TFDP2: variants seen among roughly 807,000 people sequenced by gnomAD.
The protein encoded by TFDP2 is transcription factor Dp-2, also known as transcription factor Dp-2 (E2F dimerization partner 2).
In TFDP2, 17 loss-of-function variants were observed where a neutral mutation model predicts 59.3. That is an observed-to-expected ratio of 0.29 (90% CI 0.20 to 0.43). TFDP2 has a LOEUF of 0.43. Among genes scored for constraint, TFDP2 ranks in the 20% least tolerant of loss-of-function variants. The probability of loss-of-function intolerance (pLI) is 1.00; values close to 1 mark genes in which losing one functional copy is unlikely to be tolerated. For missense variants in TFDP2, 391 were observed against 528.8 expected (o/e 0.74, Z 2.56); for synonymous variants, 180 against 194.7 (o/e 0.92, Z 0.63).
chr3:142,093,969 A>G, intron 2 of TFDP2: 1 of 512,976 alleles, frequency 1.9e-6, no homozygotes, highest in Non-Finnish European at 3.9e-6. Flanking sequence ...TGTCAGTATT[A>G]TACTTGAGGG....
In TFDP2 at chr3:141,945,282, A is replaced by AC. The variant is rs970888395; in HGVS notation, c.*7230dup. The AC allele has an allele frequency of 1.3e-5, 2 of 152,176 alleles. No homozygotes were observed. The highest frequency in any genetic ancestry group is 4.8e-5 in the African/African-American group (2 of 41,294). The allele number at this position is 152,176 out of a possible 1,614,324, so 9.4% of individuals were successfully genotyped here. ...GTAGCTGGGATTACAGGCATGCGCCACCACACCCGGCTAATTTTATATTTT... is the reference window on the plus strand; with the variant it reads ...GTAGCTGGGATTACAGGCATGCGCCACCCACACCCGGCTAATTTTATATTTT... On this transcript the variant is annotated 3_prime_UTR_variant, in exon 13 of 13. Transcript: ENST00000489671.
chr3:141,980,540 T>G (rs1422206762), intron 6 of TFDP2, among the ~76,000 whole-genome samples: 1 of 151,824 alleles, frequency 6.6e-6, no homozygotes, highest in East Asian at 1.9e-4. Flanking sequence ...TATGTTTGTG[T>G]TTTTTTTGTT....
At chr3:142,089,077 C>A (rs563461277) in intron 3 of TFDP2, among the ~76,000 whole-genome samples, 108 of 152,188 alleles carry the variant, frequency 7.1e-4, no homozygotes, top group South Asian at 2.3e-3. Flanking sequence ...GTTCCACCCC[C>A]CTCAGCCTCT....
chr3:142,064,508 T>C (rs2108525366), intron 3 of TFDP2, among the ~76,000 whole-genome samples: 1 of 152,346 alleles, frequency 6.6e-6, no homozygotes, highest in South Asian at 2.1e-4. Context: ...GAATCACTTT[T>C]TCAAATTATT....
rs1410066864 is a variant in TFDP2, at chr3:141,951,116, G to C, written c.*1397C>G. The C allele has an allele frequency of 6.6e-6, 1 of 152,194 alleles. No homozygotes were observed. Among genetic ancestry groups the C allele is most frequent in the African/African-American group, 2.4e-5 (1 of 41,454 alleles). 9.4% of individuals were successfully genotyped at this position (152,194 alleles called of 1,614,324 possible). On this transcript the variant is annotated 3_prime_UTR_variant, in exon 13 of 13. Coordinates refer to ENST00000489671, the MANE Select transcript of TFDP2 (RefSeq NM_001178139.2). ...AGAACCAATTTGGGCCATGCTTGGT[G>C]CATCTAGCATAATCTTGGGACAAAT...
At position 141,952,484 on chromosome 3, in the gene TFDP2, CAT is replaced by C. The variant is rs1421761808; in HGVS notation, c.*27_*28del. 1 of 1,501,858 alleles carries C rather than the reference CAT, an allele frequency of 6.7e-7. No individual in the cohort carries two copies. Among genetic ancestry groups the C allele is most frequent in the Non-Finnish European group, 8.8e-7 (1 of 1,132,668 alleles). 93.0% of individuals were successfully genotyped at this position (1,501,858 alleles called of 1,614,324 possible). On this transcript the variant is annotated 3_prime_UTR_variant, in exon 13 of 13. Transcript: ENST00000489671. ...ACACTACAAACACACATGAGCATCA[CAT>C]ATTGAAACGTAGGCTTTCTCTTGTC...
intron 3 of TFDP2, among the ~76,000 whole-genome samples, chr3:142,020,281 A>C (rs1945484723): frequency 1.3e-5 from 2 of 152,310 alleles, no homozygotes; most frequent in South Asian, 4.1e-4. Context: ...CACGTCTGTA[A>C]TCCCAGCACT....
chr3:142,013,317 T>C (rs928943014), intron 3 of TFDP2, among the ~76,000 whole-genome samples: 3 of 152,150 alleles, frequency 2.0e-5, no homozygotes, highest in African/African-American at 4.8e-5. Context: ...ATAGTTGTAA[T>C]ACCCAGAAAT....
chr3:141,969,961 C>T (rs1358405654), intron 9 of TFDP2, 112 bp downstream of exon 9: 8 of 1,004,618 alleles, frequency 8.0e-6, no homozygotes, highest in South Asian at 4.0e-5. Context: ...GCTGCCCTGG[C>T]GTGGGCTCAC....
At position 142,149,314 on chromosome 3, in the gene TFDP2, G is replaced by T; in HGVS notation, c.-224C>A. ...CCGGGTCCCGGTGGACTCACACCCG[G>T]GGAGACGCGGCCTGCCCGGTCAAGG... is the stretch of plus-strand genomic sequence containing the variant. On this transcript the variant is annotated 5_prime_UTR_variant, in exon 1 of 13. Coordinates refer to ENST00000489671, the MANE Select transcript of TFDP2 (RefSeq NM_001178139.2). 1 of 394,974 alleles carries T rather than the reference G, an allele frequency of 2.5e-6. No individual in the cohort carries two copies. Among genetic ancestry groups the T allele is most frequent in the South Asian group, 1.3e-4 (1 of 7,444 alleles). The allele number at this position is 394,974 out of a possible 1,614,324, so 24.5% of individuals were successfully genotyped here. A position where few individuals can be genotyped will look rare whatever the true frequency, so the allele number is the denominator to read the frequency against.
At chr3:141,960,553 G>T (rs938960586) in intron 10 of TFDP2, among the ~76,000 whole-genome samples, 1 of 152,158 alleles carries the variant, frequency 6.6e-6, no homozygotes, top group Non-Finnish European at 1.5e-5. Flanking sequence ...GCCCTGCAGG[G>T]ACAGGGTTTG....
chr3:142,120,983 C>G (rs2062025688), intron 1 of TFDP2, among the ~76,000 whole-genome samples: 1 of 151,978 alleles, frequency 6.6e-6, no homozygotes, highest in Non-Finnish European at 1.5e-5. Context: ...ATGAGCTCAT[C>G]AGACAGAGCC....
chr3:141,994,932 T>C, intron 5 of TFDP2, 88 bp downstream of exon 5: 2 of 1,228,620 alleles, frequency 1.6e-6, no homozygotes, highest in South Asian at 2.4e-5. Context: ...AGAACTAAAC[T>C]AAAACAAGAA....
Position 141,952,979 on chromosome 3 carries a change from T to C in TFDP2, c.1089A>G (p.Leu363=), listed in dbSNP as rs773731534. The change falls in exon 12 of 13, where the codon CTA becomes CTG. Residue 363 remains leucine (L), a synonymous_variant. Coordinates refer to ENST00000489671, the MANE Select transcript of TFDP2 (RefSeq NM_001178139.2). ...STGPSWLNQG[L]LLNSTQSVSN... Reference sequence around the variant, plus strand: ...AAACTGATTGGGTAGAGTTCAGAAGTAGTCCCTGATTTAACCAAGAAGGTC... The same window carrying C: ...AAACTGATTGGGTAGAGTTCAGAAGCAGTCCCTGATTTAACCAAGAAGGTC... The C allele has an allele frequency of 1.2e-6, 2 of 1,614,112 alleles. No homozygotes were observed. Among genetic ancestry groups the C allele is most frequent in the Non-Finnish European group, 1.7e-6 (2 of 1,179,996 alleles).
chr3:141,964,131 C>G (rs1937607424), intron 9 of TFDP2, among the ~76,000 whole-genome samples, 168 bp from the exon 10 acceptor site: 1 of 151,728 alleles, frequency 6.6e-6, no homozygotes, highest in East Asian at 1.9e-4. Context: ...AAGAATGATC[C>G]AACTCAATAA....
At chr3:141,976,791 T>TC (rs1243193284) in intron 7 of TFDP2, among the ~76,000 whole-genome samples, 1 of 151,486 alleles carries the variant, frequency 6.6e-6, no homozygotes, top group Non-Finnish European at 1.5e-5. Context: ...ACTTTTTTTT[T>TC]CAAGTGCCTA....
intron 2 of TFDP2, among the ~76,000 whole-genome samples, chr3:142,096,237 C>T (rs1307567918): frequency 6.6e-5 from 10 of 152,014 alleles, no homozygotes; most frequent in Non-Finnish European, 7.4e-5. Flanking sequence ...ATATATAAAA[C>T]CAAAATATAT....
intron 6 of TFDP2, among the ~76,000 whole-genome samples, chr3:141,985,405 A>T (rs1941974566): frequency 6.6e-6 from 1 of 151,260 alleles, no homozygotes; most frequent in Non-Finnish European, 1.5e-5. Flanking sequence ...GATATATGCC[A>T]GCTACTCAGG....
chr3:142,116,488 A>G (rs2061857079), intron 1 of TFDP2, among the ~76,000 whole-genome samples: 2 of 152,252 alleles, frequency 1.3e-5, no homozygotes, highest in Admixed American at 1.3e-4. Context: ...GGGCTACCAG[A>G]AACTGGAAGA....
Sources: allele counts gnomAD v4.1 joint callset (sites outside exome capture counted in the v4.1 genomes callset), GRCh38; gene constraint gnomAD v4.1.1; transcripts MANE v1.5; gene names NCBI Gene and HGNC (gene_info 2026-07-23, HGNC 2026-07-21).